Variants in ARHGAP44 observed in about 807,000 individuals in gnomAD.
ARHGAP44 encodes the protein Rho GTPase activating protein 44.
A neutral mutation model predicts 106.8 loss-of-function variants in ARHGAP44; 43 were observed. The observed-to-expected ratio is 0.40, with a 90% confidence interval of 0.32 to 0.52. The LOEUF (loss-of-function observed/expected upper bound fraction) is 0.52, where lower values mean the gene tolerates loss of function less well. Ranked by LOEUF, ARHGAP44 falls within the 20% of genes least tolerant of loss-of-function variation. The probability of loss-of-function intolerance (pLI) is 0.48; values close to 1 mark genes in which losing one functional copy is unlikely to be tolerated. For synonymous variants in ARHGAP44, 439 were observed against 410.3 expected, an observed-to-expected ratio of 1.07 and a Z score of -0.85; for missense variants, 866 against 1,050.5, an observed-to-expected ratio of 0.82 and a Z score of 2.43.
intron 3 of ARHGAP44, among the ~76,000 whole-genome samples, chr17:12,908,417 G>C (rs1343829445): frequency 6.6e-6 from 1 of 151,934 alleles, no homozygotes; most frequent in South Asian, 2.1e-4. Flanking sequence ...GGTCGGTCTC[G>C]AACTCCTGAC....
intron 1 of ARHGAP44, among the ~76,000 whole-genome samples, chr17:12,822,760 C>G (rs984534708): frequency 1.4e-4 from 22 of 152,142 alleles, no homozygotes; most frequent in African/African-American, 4.6e-4. Context: ...ACTCCACTGT[C>G]CTCCCCTTCC....
At chr17:12,902,180 T>G (rs1427309999) in intron 3 of ARHGAP44, among the ~76,000 whole-genome samples, 1 of 152,182 alleles carries the variant, frequency 6.6e-6, no homozygotes, top group South Asian at 2.1e-4. Flanking sequence ...TACCTGCATC[T>G]CTGAGCTTAG....
intron 1 of ARHGAP44, among the ~76,000 whole-genome samples, chr17:12,861,653 T>TTTTTTTTTTTAATTTTTGAGATGGAATC (rs755400921): frequency 1.7e-5 from 1 of 59,146 alleles, no homozygotes; most frequent in African/African-American, 4.8e-5. Flanking sequence ...ACTTTTTTTT[T>TTTTTTTTTTTAATTTTTGAGATGGAATC]TTTTTGAGAT....
At chr17:12,799,707 G>A (rs1363987804) in intron 1 of ARHGAP44, among the ~76,000 whole-genome samples, 3 of 152,150 alleles carry the variant, frequency 2.0e-5, no homozygotes, top group Admixed American at 6.5e-5. Context: ...TATGCTCACT[G>A]CAAACTCTGC....
intron 1 of ARHGAP44, among the ~76,000 whole-genome samples, chr17:12,802,753 C>CTTTTTTTTT (rs869172678): frequency 3.0e-4 from 33 of 108,710 alleles, no homozygotes; most frequent in Non-Finnish European, 4.2e-4. Context: ...TTTTTTATTT[C>CTTTTTTTTT]TTTTTTTTTT....
At chr17:12,944,398 G>A (rs1054273967) in intron 10 of ARHGAP44, among the ~76,000 whole-genome samples, 3 of 152,078 alleles carry the variant, frequency 2.0e-5, no homozygotes, top group Non-Finnish European at 4.4e-5. Context: ...CAAGAAGAGA[G>A]AATTGTGATG....
At chr17:12,856,756 T>C (rs2035922341) in intron 1 of ARHGAP44, among the ~76,000 whole-genome samples, 1 of 152,172 alleles carries the variant, frequency 6.6e-6, no homozygotes, top group Non-Finnish European at 1.5e-5. Flanking sequence ...TTATTAATAG[T>C]CCTGACCTCA....
intron 20 of ARHGAP44, chr17:12,987,245 C>G: frequency 8.7e-7 from 1 of 1,145,544 alleles, no homozygotes; most frequent in South Asian, 1.6e-5. Flanking sequence ...GCATGTGGCT[C>G]AGACCATTTG....
At chr17:12,926,862 G>A (rs987950383) in intron 6 of ARHGAP44, among the ~76,000 whole-genome samples, 5 of 151,850 alleles carry the variant, frequency 3.3e-5, no homozygotes, top group African/African-American at 1.2e-4. Flanking sequence ...GTCAGATGGT[G>A]GTTCTAACTT....
chr17:12,990,307 G>A lies in ARHGAP44; in HGVS notation c.*136G>A, dbSNP rs377530911. 4 of 1,248,354 alleles carry A rather than the reference G, an allele frequency of 3.2e-6. No individual in the cohort carries two copies. The highest frequency in any genetic ancestry group is 5.2e-5 in the East Asian group (2 of 38,538). 77.3% of individuals were successfully genotyped at this position (1,248,354 alleles called of 1,614,324 possible). ...CACTGCCAACACGAGGTTGGAATTT[G>A]GCAGAAAATTGTGATCTCCAGTCCG... On this transcript the variant is annotated 3_prime_UTR_variant, in exon 21 of 21. Coordinates refer to ENST00000379672, the MANE Select transcript of ARHGAP44 (RefSeq NM_014859.6).
At chr17:12,853,387 A>G (rs2035819132) in intron 1 of ARHGAP44, among the ~76,000 whole-genome samples, 1 of 152,234 alleles carries the variant, frequency 6.6e-6, no homozygotes, top group South Asian at 2.1e-4. Context: ...TGAAATGCCC[A>G]CGTCCCAGAG....
At chr17:12,932,610 A>G (rs901571204) in intron 7 of ARHGAP44, among the ~76,000 whole-genome samples, 1 of 152,084 alleles carries the variant, frequency 6.6e-6, no homozygotes, top group African/African-American at 2.4e-5. Context: ...CTTTAATTTT[A>G]TGTTAATGTT....
At chr17:12,970,866 G>T (rs1266765342) in intron 16 of ARHGAP44, among the ~76,000 whole-genome samples, 2 of 152,178 alleles carry the variant, frequency 1.3e-5, no homozygotes, top group Non-Finnish European at 2.9e-5. Context: ...TATTATTTCT[G>T]TCTTCAGGTT....
At chr17:12,904,308 A>G (rs2037482030) in intron 3 of ARHGAP44, among the ~76,000 whole-genome samples, 1 of 152,112 alleles carries the variant, frequency 6.6e-6, no homozygotes, top group South Asian at 2.1e-4. Context: ...GGGCTTCACC[A>G]TGTTAGCCAG....
Position 12,943,591 on chromosome 17 carries a change from A to G in ARHGAP44, c.655A>G (p.Ile219Val), listed in dbSNP as rs1442024522. The change falls in exon 9 of 21, where the codon ATA (isoleucine) becomes GTA (valine). Residue 219 changes from isoleucine (I) to valine (V), a missense_variant. Ile to Val is a conservative substitution (Grantham distance 29). Transcript: ENST00000379672. Reference protein sequence around the residue: ...IDYANYFQTLIEVQAEYHRKS... With the variant: ...IDYANYFQTLVEVQAEYHRKS... ...TGCTTGCCTTGTGTCTTCTCAGCTA[A>G]TAGAAGTGCAAGCTGAATACCACAG... 3 of 1,613,712 alleles carry G rather than the reference A, an allele frequency of 1.9e-6. No individual in the cohort carries two copies. Among genetic ancestry groups the G allele is most frequent in the Non-Finnish European group, 2.5e-6 (3 of 1,179,780 alleles).
chr17:12,861,103 A>G (rs957663386), intron 1 of ARHGAP44, among the ~76,000 whole-genome samples: 4 of 151,668 alleles, frequency 2.6e-5, no homozygotes, highest in Non-Finnish European at 5.9e-5. Context: ...TGATCTGCCC[A>G]CCTCGCCCTC....
rs1278910690 is a variant in ARHGAP44 at position 12,958,199 on chromosome 17, CTTT to C, written c.1343-517_1343-515del. ...TATCTCTTTGACAGCCAAAAAACAACTTTAATGAAATCTATATTTCTAATATCT... is the reference window on the plus strand; with the variant it reads ...TATCTCTTTGACAGCCAAAAAACAACAATGAAATCTATATTTCTAATATCT... On this transcript the variant is annotated intron_variant, in intron 15 of 20. Coordinates refer to ENST00000379672, the MANE Select transcript of ARHGAP44 (RefSeq NM_014859.6). The surrounding 1 kb of genome is among the most constrained non-coding windows in gnomAD (Gnocchi z 4.1). Among the ~76,000 whole-genome samples, 1 of 152,196 alleles carries C rather than the reference CTTT, an allele frequency of 6.6e-6. No homozygotes were observed. The highest frequency in any genetic ancestry group is 1.5e-5 in the Non-Finnish European group (1 of 68,040).
At chr17:12,851,479 T>G (rs1361750531) in intron 1 of ARHGAP44, among the ~76,000 whole-genome samples, 1 of 152,148 alleles carries the variant, frequency 6.6e-6, no homozygotes, top group Non-Finnish European at 1.5e-5. Context: ...CTTTTTTTTT[T>G]CTCTTGAGAT....
chr17:12,861,650 T>TC (rs1244914961), intron 1 of ARHGAP44, among the ~76,000 whole-genome samples: 1 of 12,926 alleles, frequency 7.7e-5, no homozygotes, highest in African/African-American at 1.9e-4. Flanking sequence ...TCCACTTTTT[T>TC]TTTTTTTTGA....
Sources: gnomAD v4.1 joint callset for allele counts (sites outside exome capture counted in the v4.1 genomes callset) on GRCh38, gnomAD v4.1.1 for gene constraint, Gnocchi (gnomAD v3.1) non-coding constraint, MANE v1.5 for transcripts, NCBI Gene and HGNC (gene_info 2026-07-23, HGNC 2026-07-21) for gene names.